Variants in DOCK3 observed in about 807,000 individuals in gnomAD.
DOCK3 encodes the protein dedicator of cytokinesis protein 3.
A neutral mutation model predicts 265.6 loss-of-function variants in DOCK3; 60 were observed. The observed-to-expected ratio is 0.23, with a 90% CI of 0.18 to 0.28. The LOEUF (loss-of-function observed/expected upper bound fraction) is 0.28. Among genes scored for constraint, DOCK3 ranks in the 10% least tolerant of loss-of-function variants. DOCK3 has a pLI of 1.00. For synonymous variants in DOCK3, 881 were observed against 938.0 expected (o/e 0.94, Z 1.11); for missense variants, 1,981 against 2,594.3 (o/e 0.76, Z 5.14).
At chr3:50,683,706 T>G (rs1440003509) in intron 1 of DOCK3, among the ~76,000 whole-genome samples, 1 of 152,086 alleles carries the variant, frequency 6.6e-6, no homozygotes, top group East Asian at 1.9e-4. Context: ...GAAAGAAATA[T>G]CAGCATTGAA....
chr3:50,728,131 G>T (rs1466295303), intron 1 of DOCK3, among the ~76,000 whole-genome samples: 1 of 151,956 alleles, frequency 6.6e-6, no homozygotes, highest in Non-Finnish European at 1.5e-5. Flanking sequence ...AATAAAAACC[G>T]TAAAATAATC....
chr3:50,700,713 G>A (rs960494324), intron 1 of DOCK3, among the ~76,000 whole-genome samples: 2 of 152,102 alleles, frequency 1.3e-5, no homozygotes, highest in South Asian at 2.1e-4. Context: ...CCGTATCTTG[G>A]CTATTGTGAA....
At chr3:50,890,754 G>T (rs936606847) in intron 4 of DOCK3, among the ~76,000 whole-genome samples, 11 of 151,958 alleles carry the variant, frequency 7.2e-5, no homozygotes, top group African/African-American at 2.7e-4. Context: ...TACTATTCTT[G>T]ACTGCAGGGT....
intron 4 of DOCK3, among the ~76,000 whole-genome samples, chr3:50,898,182 C>T (rs888621142): frequency 2.8e-4 from 42 of 149,214 alleles, no homozygotes; most frequent in African/African-American, 9.9e-4. Context: ...TTCAGGGATT[C>T]GACTTCTTCC....
At chr3:50,703,223 T>C (rs1339631024) in intron 1 of DOCK3, among the ~76,000 whole-genome samples, 1 of 152,212 alleles carries the variant, frequency 6.6e-6, no homozygotes, top group Non-Finnish European at 1.5e-5. Context: ...ATCTTTTTGA[T>C]GTGTTATTAT....
chr3:50,750,058 C>T (rs913844559), intron 1 of DOCK3, among the ~76,000 whole-genome samples: 1 of 152,142 alleles, frequency 6.6e-6, no homozygotes, highest in Non-Finnish European at 1.5e-5. Context: ...ACCTGAGCTC[C>T]GCCTCCTGTC....
intron 12 of DOCK3, among the ~76,000 whole-genome samples, chr3:51,185,247 G>A (rs1470956168): frequency 1.3e-5 from 2 of 152,096 alleles, no homozygotes; most frequent in East Asian, 3.8e-4. Context: ...TATGACAAAT[G>A]TACAATAAAA....
intron 1 of DOCK3, among the ~76,000 whole-genome samples, chr3:50,765,214 T>C (rs2040799841): frequency 6.6e-6 from 1 of 151,102 alleles, no homozygotes; most frequent in Non-Finnish European, 1.5e-5. Flanking sequence ...CCCGAATAGC[T>C]GGGATTACAG....
intron 9 of DOCK3, among the ~76,000 whole-genome samples, chr3:51,097,823 C>G (rs570808261): frequency 1.3e-5 from 2 of 152,270 alleles, no homozygotes; most frequent in Non-Finnish European, 1.5e-5. Flanking sequence ...GTGCACTGTC[C>G]CTCATGGCAC....
chr3:50,678,385 C>G (rs924301146), intron 1 of DOCK3, among the ~76,000 whole-genome samples: 6 of 152,210 alleles, frequency 3.9e-5, no homozygotes, highest in African/African-American at 1.4e-4. Context: ...TTGTGAAACA[C>G]CTGTCTTTCC....
At chr3:51,304,052 AGG>A (rs1200485756) in intron 27 of DOCK3, among the ~76,000 whole-genome samples, 3 of 151,894 alleles carry the variant, frequency 2.0e-5, no homozygotes, top group African/African-American at 4.8e-5. Flanking sequence ...CCATAGCCGC[AGG>A]TCTCCGCAGC....
chr3:50,929,666 A>G (rs2050953600), intron 4 of DOCK3, among the ~76,000 whole-genome samples: 1 of 152,074 alleles, frequency 6.6e-6, no homozygotes. Context: ...TACTACGCTG[A>G]GATATTTATT....
At chr3:51,356,386 C>G (rs2086366048) in intron 42 of DOCK3, 21 bp from the exon 43 acceptor site, 2 of 1,613,576 alleles carry the variant, frequency 1.2e-6, no homozygotes, top group East Asian at 4.5e-5. Flanking sequence ...CTGCCCATAC[C>G]TGCCTGTTCC....
chr3:51,161,071 G>A (rs1172331712), intron 12 of DOCK3, among the ~76,000 whole-genome samples: 8 of 126,234 alleles, frequency 6.3e-5, no homozygotes, highest in African/African-American at 1.2e-4. Context: ...GCGACACTCC[G>A]TTTCAAAGAA....
At chr3:50,970,890 TTTATATATATATA>T (rs2077185965) in intron 5 of DOCK3, among the ~76,000 whole-genome samples, 1 of 9,818 alleles carries the variant, frequency 1.0e-4, no homozygotes, top group Non-Finnish European at 3.4e-4. Flanking sequence ...TCATCTAATT[TTTATATATATATA>T]TATATATATA....
intron 19 of DOCK3, among the ~76,000 whole-genome samples, chr3:51,234,762 G>A (rs980504301): frequency 6.6e-6 from 1 of 152,056 alleles, no homozygotes; most frequent in African/African-American, 2.4e-5. Flanking sequence ...CCTATCTAAT[G>A]GCTTTAGCAG....
intron 12 of DOCK3, among the ~76,000 whole-genome samples, chr3:51,171,640 C>T (rs1389690011): frequency 1.3e-5 from 2 of 149,366 alleles, no homozygotes; most frequent in East Asian, 2.0e-4. Context: ...GGCATGAACC[C>T]GGGAGGCAGA....
intron 1 of DOCK3, among the ~76,000 whole-genome samples, chr3:50,752,251 CTGTAATCCCAGTACTT>C (rs757252733): frequency 5.3e-5 from 8 of 152,132 alleles, no homozygotes; most frequent in African/African-American, 9.7e-5. Context: ...TGGCTCACCC[CTGTAATCCCAGTACTT>C]TGGGAGGCCG....
intron 49 of DOCK3, among the ~76,000 whole-genome samples, chr3:51,369,533 T>A (rs764144709): frequency 1.4e-4 from 22 of 152,068 alleles, no homozygotes; most frequent in Non-Finnish European, 2.9e-4. Flanking sequence ...CCCCAAGAAA[T>A]ATGGGACTAT....
Sources: allele counts gnomAD v4.1 joint callset (sites outside exome capture counted in the v4.1 genomes callset), GRCh38; gene constraint gnomAD v4.1.1; transcripts MANE v1.5; gene names NCBI Gene and HGNC (gene_info 2026-07-23, HGNC 2026-07-21).